The following THAP12 variants were observed in gnomAD, a reference collection of about 807,000 sequenced individuals.
THAP12 encodes 52 kDa repressor of the inhibitor of the protein kinase.
THAP12 carries 20 observed loss-of-function variants against 63.0 expected under a neutral mutation model. That is an observed-to-expected ratio of 0.32 (90% CI 0.22 to 0.46). The LOEUF is 0.46. Ranked by LOEUF, THAP12 falls within the 20% of genes least tolerant of loss-of-function variation. The probability of loss-of-function intolerance (pLI) is 1.00; values close to 1 mark genes in which losing one functional copy is unlikely to be tolerated. For missense variants in THAP12, 568 were observed against 908.2 expected (o/e 0.63, Z 4.81); for synonymous variants, 264 against 328.4 (o/e 0.80, Z 2.12).
chr11:76,354,300 T>C (rs1239901571), intron 4 of THAP12, among the ~76,000 whole-genome samples: 8 of 152,168 alleles, frequency 5.3e-5, no homozygotes, highest in Non-Finnish European at 1.2e-4. Flanking sequence ...CTGCTATTCA[T>C]TATATGTGAC....
At chr11:76,377,614 T>C (rs958950443) in intron 1 of THAP12, among the ~76,000 whole-genome samples, 2 of 152,266 alleles carry the variant, frequency 1.3e-5, no homozygotes, top group Non-Finnish European at 2.9e-5. Flanking sequence ...TTTCATTGTA[T>C]TGATATACAT....
chr11:76,362,930 C>T (rs1244022036), intron 2 of THAP12, among the ~76,000 whole-genome samples: 1 of 152,104 alleles, frequency 6.6e-6, no homozygotes, highest in Non-Finnish European at 1.5e-5. Context: ...ACGGCTTGAC[C>T]CCAGGAGTTC....
At chr11:76,380,530 C>T (rs906287862) in intron 1 of THAP12, among the ~76,000 whole-genome samples, 2 of 152,174 alleles carry the variant, frequency 1.3e-5, no homozygotes, top group African/African-American at 4.8e-5. Flanking sequence ...CCGCGCAGAG[C>T]CCCCACCAGC....
intron 4 of THAP12, among the ~76,000 whole-genome samples, chr11:76,355,175 C>G (rs1946552883): frequency 6.6e-6 from 1 of 152,230 alleles, no homozygotes; most frequent in Admixed American, 6.5e-5. Flanking sequence ...ACATCAGCAC[C>G]TCCAGAAAGG....
chr11:76,365,275 C>T (rs1946623148), intron 2 of THAP12, among the ~76,000 whole-genome samples: 1 of 136,246 alleles, frequency 7.3e-6, no homozygotes, highest in Admixed American at 7.8e-5. Flanking sequence ...GCCTGGGTGA[C>T]AGAGCAAGAC....
At position 76,351,177 on chromosome 11, in the gene THAP12, A is replaced by G. The variant is rs780425936; in HGVS notation, c.1973T>C (p.Leu658Pro). Residue 658 changes from leucine to proline, a missense_variant, in exon 5 of 5, where the codon CTT becomes CCT. Coordinates refer to ENST00000260045, the MANE Select transcript of THAP12 (RefSeq NM_004705.4). ...KWKHRGKDIELPSTIYEALHL... is the reference protein window; with the variant it reads ...KWKHRGKDIEPPSTIYEALHL... ...GAGGGCTTCATAGATGGTGGACGGA[A>G]GCTCTATATCTTTCCCCCTGTGTTT... 6.3e-7 allele frequency: 1 copy of G among 1,586,468 alleles called. No homozygotes were observed. The highest frequency in any genetic ancestry group is 2.2e-5 in the East Asian group (1 of 44,686).
At chr11:76,361,103 T>C (rs754914061) in intron 2 of THAP12, 40 bp from the exon 3 acceptor site, 4 of 1,283,602 alleles carry the variant, frequency 3.1e-6, no homozygotes, top group Admixed American at 1.7e-5. Context: ...ATGGTCCTTA[T>C]AAATATATTA....
At chr11:76,374,297 T>C (rs896191871) in intron 1 of THAP12, among the ~76,000 whole-genome samples, 1 of 152,186 alleles carries the variant, frequency 6.6e-6, no homozygotes, top group South Asian at 2.1e-4. Flanking sequence ...TATCCATGTA[T>C]GTCTCTGTAA....
chr11:76,371,233 T>C (rs12577885), intron 1 of THAP12, among the ~76,000 whole-genome samples: 5,793 of 152,308 alleles, frequency 0.038, 146 homozygotes, highest in East Asian at 0.08. Flanking sequence ...CTTAAGCTTT[T>C]AGTGGCTTCT....
At chr11:76,359,968 T>C (rs1208463773) in intron 3 of THAP12, among the ~76,000 whole-genome samples, 1 of 152,024 alleles carries the variant, frequency 6.6e-6, no homozygotes, top group East Asian at 1.9e-4. Flanking sequence ...TGCAAACAAA[T>C]AATACAGTGA....
At position 76,351,743 on chromosome 11, in the gene THAP12, T is replaced by C; in HGVS notation, c.1407A>G (p.Val469=). Residue 469 remains valine, a synonymous_variant, in exon 5 of 5, where the codon GTA becomes GTG. Transcript: ENST00000260045. ...WNNYIAGRAF[V]LCSAVSDFDF... ...CAAAATCTGACACTGCACTGCAGAG[T>C]ACAAATGCTCGGCCAGCTATATAGT... is the stretch of plus-strand genomic sequence containing the variant. 1.9e-6 allele frequency: 3 copies of C among 1,613,374 alleles called. No individual in the cohort carries two copies. Among genetic ancestry groups the C allele is most frequent in the South Asian group, 2.2e-5 (2 of 91,018 alleles).
At chr11:76,361,183 C>T (rs536015175) in intron 2 of THAP12, 120 bp from the exon 3 acceptor site, 17 of 637,728 alleles carry the variant, frequency 2.7e-5, no homozygotes, top group Middle Eastern at 2.7e-4. Context: ...AGTATAGAGA[C>T]TTACAGAATT....
chr11:76,369,381 A>C (rs574639620), intron 1 of THAP12, among the ~76,000 whole-genome samples: 14 of 152,378 alleles, frequency 9.2e-5, no homozygotes, highest in Admixed American at 1.3e-4. Flanking sequence ...TAAGCAGAAG[A>C]AGCCAGGAGT....
At chr11:76,378,746 G>C (rs1469865888) in intron 1 of THAP12, among the ~76,000 whole-genome samples, 2 of 151,998 alleles carry the variant, frequency 1.3e-5, no homozygotes, top group Non-Finnish European at 2.9e-5. Flanking sequence ...TGAGTAGCTG[G>C]ACAGGCACGC....
intron 1 of THAP12, among the ~76,000 whole-genome samples, chr11:76,373,104 C>A (rs1416814309): frequency 6.6e-6 from 1 of 152,088 alleles, no homozygotes; most frequent in African/African-American, 2.4e-5. Flanking sequence ...AAGTATATAA[C>A]AGAGCAGTGC....
rs1188709227 is a variant in THAP12 at position 76,350,927 on chromosome 11, A to C, written c.2223T>G (p.Ile741Met). The C allele has an allele frequency of 6.2e-7, 1 of 1,603,712 alleles. No homozygotes were observed. The highest frequency in any genetic ancestry group is 2.2e-5 in the East Asian group (1 of 44,826). ...HDLDLMVDTY[I>M]KLYTSKSELP... ...GCTCTGACTTACTTGTATAGAGTTT[A>C]ATATATGTGTCCACCATTAAATCCA... The change falls in exon 5 of 5, where the codon ATT becomes ATG. Residue 741 changes from isoleucine to methionine, a missense_variant. Ile to Met is a conservative substitution (Grantham distance 10). Coordinates refer to ENST00000260045, the MANE Select transcript of THAP12 (RefSeq NM_004705.4).
At chr11:76,352,855 T>A in intron 4 of THAP12, 61 bp from the exon 5 acceptor site, 1 of 1,471,290 alleles carries the variant, frequency 6.8e-7, no homozygotes, top group Non-Finnish European at 9.0e-7. Context: ...CAACAAAAAA[T>A]ATTACATCTT....
chr11:76,351,753 C>A lies in THAP12; in HGVS notation c.1397G>T (p.Arg466Leu). The A allele has an allele frequency of 6.2e-7, 1 of 1,613,446 alleles. No individual in the cohort carries two copies. Among genetic ancestry groups the A allele is most frequent in the South Asian group, 1.1e-5 (1 of 91,020 alleles). ...CACTGCACTGCAGAGTACAAATGCT[C>A]GGCCAGCTATATAGTTATTCCATCT... ...NIRWNNYIAG[R>L]AFVLCSAVSD... Residue 466 changes from arginine (R) to leucine (L), a missense_variant, in exon 5 of 5, where the codon CGA (arginine) becomes CTA (leucine). Physicochemically the swap from Arg to Leu is moderately radical, Grantham distance 102. Coordinates refer to ENST00000260045, the MANE Select transcript of THAP12 (RefSeq NM_004705.4).
At position 76,374,636 on chromosome 11, in the gene THAP12, G is replaced by A. The variant is rs76027126; in HGVS notation, c.89+6112C>T. Among the ~76,000 whole-genome samples, 1,448 of 152,232 alleles carry A rather than the reference G, an allele frequency of 9.5e-3. 25 individuals are homozygous for A. Among genetic ancestry groups the A allele is most frequent in the African/African-American group, 0.034 (1,405 of 41,518 alleles). ...AAAACACAACACAAAATTTATCAAA[G>A]CAATGATGCCATCATGTTATGTAGC... On this transcript the variant is annotated intron_variant, in intron 1 of 4. Transcript: ENST00000260045.
Sources: gnomAD v4.1 joint callset for allele counts (sites outside exome capture counted in the v4.1 genomes callset) on GRCh38, gnomAD v4.1.1 for gene constraint, MANE v1.5 for transcripts, NCBI Gene and HGNC (gene_info 2026-07-23, HGNC 2026-07-21) for gene names.